Variants in DNM3 observed in about 807,000 individuals in gnomAD.
DNM3 encodes the protein dynamin-3.
DNM3 carries 47 observed loss-of-function variants against 101.6 expected under a neutral mutation model. That is an observed-to-expected ratio of 0.46 (90% CI 0.37 to 0.59). The LOEUF is 0.59. Among genes scored for constraint, DNM3 ranks in the 20% least tolerant of loss-of-function variants. DNM3 has a pLI of 0.00. For synonymous variants in DNM3, 385 were observed against 387.9 expected, an observed-to-expected ratio of 0.99 and a Z score of 0.09; for missense variants, 849 against 1,085.7, an observed-to-expected ratio of 0.78 and a Z score of 3.06.
chr1:171,873,383 A>AG (rs1216323679), intron 1 of DNM3, among the ~76,000 whole-genome samples: 3 of 152,170 alleles, frequency 2.0e-5, no homozygotes, highest in Admixed American at 1.3e-4. Context: ...ACTGTGTGTC[A>AG]GGCACTGTTT....
At chr1:172,222,240 G>A (rs2060934893) in intron 14 of DNM3, among the ~76,000 whole-genome samples, 1 of 152,082 alleles carries the variant, frequency 6.6e-6, no homozygotes, top group South Asian at 2.1e-4. Context: ...CCTAAACTAT[G>A]GTATTCACAT....
At chr1:172,265,720 A>G (rs562156690) in intron 15 of DNM3, among the ~76,000 whole-genome samples, 1 of 152,226 alleles carries the variant, frequency 6.6e-6, no homozygotes, top group Non-Finnish European at 1.5e-5. Flanking sequence ...TAATGGCCTC[A>G]CTGTGCTTCT....
chr1:172,254,465 T>C (rs1038012798), intron 15 of DNM3, among the ~76,000 whole-genome samples: 2 of 152,154 alleles, frequency 1.3e-5, no homozygotes, highest in Admixed American at 1.3e-4. Flanking sequence ...TTCAAAGTGC[T>C]CTCTACATTC....
chr1:171,966,885 A>G (rs764699246), intron 2 of DNM3, among the ~76,000 whole-genome samples: 2 of 152,216 alleles, frequency 1.3e-5, no homozygotes, highest in Non-Finnish European at 2.9e-5. Flanking sequence ...TGCTTATCAG[A>G]GAAAAATGTT....
chr1:172,343,162 G>A (rs981984932), intron 17 of DNM3, among the ~76,000 whole-genome samples: 1 of 152,076 alleles, frequency 6.6e-6, no homozygotes, highest in Non-Finnish European at 1.5e-5. Flanking sequence ...ATTAGACACC[G>A]TGTGGCTTTA....
intron 2 of DNM3, among the ~76,000 whole-genome samples, chr1:171,953,041 T>C (rs1302022280): frequency 6.6e-6 from 1 of 152,222 alleles, no homozygotes; most frequent in Non-Finnish European, 1.5e-5. Context: ...ATGATAGTCC[T>C]TTGTTGGAAG....
intron 20 of DNM3, chr1:172,393,060 G>C (rs1426420361): frequency 6.6e-6 from 1 of 152,158 alleles, no homozygotes; most frequent in East Asian, 1.9e-4. Context: ...GACTTAGGTG[G>C]CTTCCTTGAC....
At chr1:172,287,697 G>A (rs913921586) in intron 15 of DNM3, among the ~76,000 whole-genome samples, 2 of 151,512 alleles carry the variant, frequency 1.3e-5, no homozygotes, top group African/African-American at 4.9e-5. Flanking sequence ...AACAGGCAAC[G>A]GTCAACCTCC....
At chr1:171,915,824 T>C (rs1029647288) in intron 1 of DNM3, among the ~76,000 whole-genome samples, 2 of 152,200 alleles carry the variant, frequency 1.3e-5, no homozygotes, top group African/African-American at 4.8e-5. Flanking sequence ...GTTCTAGTGT[T>C]TGGCTACCTC....
At chr1:172,034,976 T>C (rs943671145) in intron 6 of DNM3, among the ~76,000 whole-genome samples, 2 of 151,608 alleles carry the variant, frequency 1.3e-5, no homozygotes, top group Admixed American at 1.3e-4. Flanking sequence ...GATCCGTGAG[T>C]GAAAAAAGAA....
intron 16 of DNM3, among the ~76,000 whole-genome samples, chr1:172,313,113 G>A (rs1205385332): frequency 1.3e-5 from 2 of 152,152 alleles, no homozygotes; most frequent in Non-Finnish European, 2.9e-5. Context: ...TTTGGATTTA[G>A]CAGAATTTTA....
intron 17 of DNM3, among the ~76,000 whole-genome samples, chr1:172,367,051 T>C (rs1307051084): frequency 6.6e-6 from 1 of 151,712 alleles, no homozygotes; most frequent in Non-Finnish European, 1.5e-5. Flanking sequence ...CCAAATCACA[T>C]TATAGTCAAA....
At chr1:172,194,631 T>C (rs546751) in intron 14 of DNM3, among the ~76,000 whole-genome samples, 75,842 of 151,890 alleles carry the variant, frequency 0.5, 20,967 homozygotes, top group African/African-American at 0.74. Flanking sequence ...TCTTTGTCTC[T>C]TTCGATCTTT....
intron 1 of DNM3, among the ~76,000 whole-genome samples, chr1:171,895,540 C>A (rs540470265): frequency 3.4e-4 from 51 of 152,042 alleles, no homozygotes; most frequent in Non-Finnish European, 6.0e-4. Flanking sequence ...GGATATTAGC[C>A]CTTTGTCAGA....
chr1:172,343,677 A>G (rs1373029588), intron 17 of DNM3, among the ~76,000 whole-genome samples: 2 of 152,196 alleles, frequency 1.3e-5, no homozygotes, highest in Non-Finnish European at 2.9e-5. Flanking sequence ...ATTTTTTCCC[A>G]TATTTCTTCC....
intron 4 of DNM3, among the ~76,000 whole-genome samples, chr1:172,025,009 C>T (rs1036298871): frequency 2.6e-5 from 4 of 152,220 alleles, no homozygotes; most frequent in African/African-American, 4.8e-5. Context: ...TCTAGCTCAG[C>T]GGATCTCACA....
intron 16 of DNM3, 44 bp downstream of exon 16, chr1:172,308,883 G>A: frequency 8.4e-7 from 1 of 1,191,942 alleles, no homozygotes; most frequent in Non-Finnish European, 1.2e-6. Flanking sequence ...TATTAGCTAT[G>A]CTTAAGAAAA....
chr1:172,104,772 T>C (rs1042960292), intron 13 of DNM3, among the ~76,000 whole-genome samples: 12 of 152,222 alleles, frequency 7.9e-5, no homozygotes, highest in African/African-American at 2.7e-4. Flanking sequence ...TTTGTAGCAT[T>C]TTAATGCATC....
At chr1:171,953,227 C>A (rs146772935) in intron 2 of DNM3, among the ~76,000 whole-genome samples, 1 of 152,130 alleles carries the variant, frequency 6.6e-6, no homozygotes, top group African/African-American at 2.4e-5. Flanking sequence ...TGCTTGCTAT[C>A]GCCTACTTAT....
Sources: gnomAD v4.1 joint callset for allele counts (sites outside exome capture counted in the v4.1 genomes callset) on GRCh38, gnomAD v4.1.1 for gene constraint, MANE v1.5 for transcripts, NCBI Gene and HGNC (gene_info 2026-07-23, HGNC 2026-07-21) for gene names.